The following ITGA8 variants were observed in gnomAD, a reference collection of about 807,000 sequenced individuals.
The protein encoded by ITGA8 is integrin alpha-8.
In ITGA8, 91 loss-of-function variants were observed where a neutral mutation model predicts 142.3. The observed-to-expected ratio is 0.64, with a 90% CI of 0.54 to 0.76. The LOEUF (loss-of-function observed/expected upper bound fraction) is 0.76. Among genes scored for constraint, ITGA8 ranks in the 30% least tolerant of loss-of-function variants. ITGA8 has a pLI of 0.00. For synonymous variants in ITGA8, 505 were observed against 485.2 expected, an observed-to-expected ratio of 1.04 and a Z score of -0.54; for missense variants, 1,406 against 1,327.7, an observed-to-expected ratio of 1.06 and a Z score of -0.92.
At chr10:15,674,713 T>G (rs1278220299) in intron 6 of ITGA8, among the ~76,000 whole-genome samples, 1 of 152,048 alleles carries the variant, frequency 6.6e-6, no homozygotes, top group African/African-American at 2.4e-5. Flanking sequence ...GGGCGGATCA[T>G]GAGTTTGAGA....
At chr10:15,619,358 T>C (rs569354591) in intron 13 of ITGA8, among the ~76,000 whole-genome samples, 1 of 152,326 alleles carries the variant, frequency 6.6e-6, no homozygotes, top group South Asian at 2.1e-4. Context: ...TTAGGTTTTA[T>C]GGACACAGAA....
At chr10:15,531,228 T>G in intron 27 of ITGA8, 77 bp from the exon 28 acceptor site, 1 of 760,244 alleles carries the variant, frequency 1.3e-6, no homozygotes, top group East Asian at 3.3e-5. Context: ...CCTAATTATT[T>G]TTGGTGTTTT....
At chr10:15,592,635 C>T (rs555838715) in intron 21 of ITGA8, among the ~76,000 whole-genome samples, 47 of 152,334 alleles carry the variant, frequency 3.1e-4, no homozygotes, top group Admixed American at 8.5e-4. Flanking sequence ...GACAGGGTCT[C>T]GCTCCGTCAC....
chr10:15,642,490 A>C (rs1833888975), intron 13 of ITGA8, among the ~76,000 whole-genome samples: 1 of 152,206 alleles, frequency 6.6e-6, no homozygotes, highest in Non-Finnish European at 1.5e-5. Flanking sequence ...GTTGAATTTC[A>C]TTAATCACCC....
intron 3 of ITGA8, among the ~76,000 whole-genome samples, chr10:15,684,815 G>T (rs1365019040): frequency 6.6e-6 from 1 of 152,118 alleles, no homozygotes; most frequent in Admixed American, 6.6e-5. Context: ...TAATCAGTGT[G>T]ATGTCTTATG....
At chr10:15,708,320 C>T (rs551817643) in intron 2 of ITGA8, among the ~76,000 whole-genome samples, 1 of 152,094 alleles carries the variant, frequency 6.6e-6, no homozygotes, top group South Asian at 2.1e-4. Flanking sequence ...CCAGTCTTCC[C>T]AGGTAATCTT....
intron 27 of ITGA8, among the ~76,000 whole-genome samples, chr10:15,538,953 GTTTTTTTTT>G (rs367805176): frequency 1.5e-5 from 2 of 132,198 alleles, no homozygotes; most frequent in Non-Finnish European, 3.2e-5. Flanking sequence ...TCAGGTAAAG[GTTTTTTTTT>G]TTTTTTTTTT....
At chr10:15,641,921 A>C (rs1045965818) in intron 13 of ITGA8, among the ~76,000 whole-genome samples, 1 of 152,152 alleles carries the variant, frequency 6.6e-6, no homozygotes, top group Non-Finnish European at 1.5e-5. Flanking sequence ...CGAGGTCAAG[A>C]GATTGAGACC....
intron 3 of ITGA8, among the ~76,000 whole-genome samples, chr10:15,687,436 T>C (rs1834851875): frequency 6.6e-6 from 1 of 152,202 alleles, no homozygotes; most frequent in Non-Finnish European, 1.5e-5. Flanking sequence ...TGAAAGATTA[T>C]CTATTTGAGA....
chr10:15,528,116 T>C (rs1460592402), intron 28 of ITGA8, among the ~76,000 whole-genome samples: 1 of 151,964 alleles, frequency 6.6e-6, no homozygotes, highest in African/African-American at 2.4e-5. Flanking sequence ...TTTGTTTGTT[T>C]GTAGAGGCAG....
chr10:15,525,003 T>C (rs980739046), intron 28 of ITGA8, among the ~76,000 whole-genome samples: 1 of 142,288 alleles, frequency 7.0e-6, no homozygotes, highest in Non-Finnish European at 1.5e-5. Context: ...TTTCAAATAA[T>C]ATTTATTTAT....
At chr10:15,558,352 C>G in intron 25 of ITGA8, 150 bp from the exon 26 acceptor site, 1 of 850,098 alleles carries the variant, frequency 1.2e-6, no homozygotes, top group Non-Finnish European at 1.8e-6. Context: ...GTGTGTTTAA[C>G]AGTGACATGA....
At chr10:15,635,221 G>A (rs533515446) in intron 13 of ITGA8, among the ~76,000 whole-genome samples, 1 of 151,766 alleles carries the variant, frequency 6.6e-6, no homozygotes, top group East Asian at 1.9e-4. Flanking sequence ...TGGCCAGGAT[G>A]GTCTTGATCT....
At chr10:15,585,154 G>GA (rs920014155) in intron 23 of ITGA8, among the ~76,000 whole-genome samples, 3 of 152,108 alleles carry the variant, frequency 2.0e-5, no homozygotes, top group African/African-American at 7.2e-5. Flanking sequence ...GGTTTGAATG[G>GA]AAAAAAATTA....
chr10:15,660,904 G>A lies in ITGA8; in HGVS notation c.866C>T (p.Pro289Leu), dbSNP rs769198973. The change falls in exon 9 of 30, where the codon CCA becomes CTA. Residue 289 changes from proline (P) to leucine (L), a missense_variant. Physicochemically the swap from Pro to Leu is moderately conservative, Grantham distance 98. Coordinates refer to ENST00000378076, the MANE Select transcript of ITGA8 (RefSeq NM_003638.3). ...ATATCCAAAATTCTGTGCTCCTCTT[G>A]GAATTCCAGCAACCAATTCTGGGGA... ...DSQQELVAGI[P>L]RGAQNFGYVS... 6.2e-7 allele frequency: 1 copy of A among 1,613,652 alleles called. No individual in the cohort carries two copies. The highest frequency in any genetic ancestry group is 8.5e-7 in the Non-Finnish European group (1 of 1,179,764).
intron 2 of ITGA8, among the ~76,000 whole-genome samples, chr10:15,698,657 C>G (rs913098747): frequency 6.6e-6 from 1 of 152,102 alleles, no homozygotes; most frequent in African/African-American, 2.4e-5. Context: ...TTTCCCTGAT[C>G]ATTAGCGATG....
chr10:15,529,914 A>G (rs1833255307), intron 28 of ITGA8, among the ~76,000 whole-genome samples: 1 of 152,216 alleles, frequency 6.6e-6, no homozygotes, highest in African/African-American at 2.4e-5. Flanking sequence ...TAGTTCTAAG[A>G]ACCTCCCAGA....
At chr10:15,651,449 C>T (rs1206200815) in intron 11 of ITGA8, among the ~76,000 whole-genome samples, 1 of 152,056 alleles carries the variant, frequency 6.6e-6, no homozygotes, top group African/African-American at 2.4e-5. Flanking sequence ...GCAGTCCACT[C>T]AATCGTACTT....
At position 15,624,177 on chromosome 10, in the gene ITGA8, C is replaced by T. The variant is rs117445416; in HGVS notation, c.1400-7618G>A. ...ATCAACAGGCCAATTTTGACTTGCC[C>T]GTTGTCTCTCTTTGAATCTCTCTAA... On this transcript the variant is annotated intron_variant, in intron 13 of 29. Transcript: ENST00000378076. Among the ~76,000 whole-genome samples the T allele has an allele frequency of 4.6e-3, 694 of 152,240 alleles. 4 individuals are homozygous for T. The highest frequency in any genetic ancestry group is 7.1e-3 in the Non-Finnish European group (482 of 68,012).
Sources: gnomAD v4.1 joint callset for allele counts (sites outside exome capture counted in the v4.1 genomes callset) on GRCh38, gnomAD v4.1.1 for gene constraint, MANE v1.5 for transcripts, NCBI Gene and HGNC (gene_info 2026-07-23, HGNC 2026-07-21) for gene names.